Variants in ZNF577 observed in about 807,000 individuals in gnomAD.
ZNF577 encodes zinc finger protein 577.
A neutral mutation model predicts 13.9 loss-of-function variants in ZNF577; 14 were observed. The observed-to-expected ratio is 1.00, with a 90% CI of 0.66 to 1.57. The LOEUF (loss-of-function observed/expected upper bound fraction) is 1.57, where lower values mean the gene tolerates loss of function less well. Ranked by LOEUF, ZNF577 falls within the 40% of genes most tolerant of loss-of-function variation. The pLI is 0.00. For missense variants in ZNF577, 555 were observed against 579.2 expected, an observed-to-expected ratio of 0.96 and a Z score of 0.43; for synonymous variants, 203 against 202.9, an observed-to-expected ratio of 1.00 and a Z score of 0.00.
At chr19:51,834,004 C>T (rs2159654) in intron 9 of ZNF577, among the ~76,000 whole-genome samples, 64,278 of 151,842 alleles carry the variant, frequency 0.42, 13,750 homozygotes, top group South Asian at 0.58. Flanking sequence ...TATCATTTCT[C>T]TATGTGGTGA....
chr19:51,867,652 G>A lies in ZNF577; in HGVS notation c.*4880C>T, dbSNP rs2084586736. On this transcript the variant is annotated 3_prime_UTR_variant, in exon 6 of 6. Transcript: ENST00000638348. ...AAAAAAAAATTAGCCGGGTGTGGTGGCAGGCACCTGTAATCCCAGCTACTC... is the reference window on the plus strand; with the variant it reads ...AAAAAAAAATTAGCCGGGTGTGGTGACAGGCACCTGTAATCCCAGCTACTC... 6.6e-6 allele frequency among the ~76,000 whole-genome samples: 1 copy of A among 151,852 alleles called. No individual in the cohort carries two copies. The highest frequency in any genetic ancestry group is 1.5e-5 in the Non-Finnish European group (1 of 67,962).
chr19:51,850,445 A>G lies in ZNF577; in HGVS notation c.284-5514T>C, dbSNP rs543485961. 4.6e-5 allele frequency among the ~76,000 whole-genome samples: 7 copies of G among 152,320 alleles called. No individual in the cohort carries two copies. The East Asian group carries it at 1.2e-3, about 25-fold the overall frequency. On this transcript the variant is annotated intron_variant and NMD_transcript_variant, in intron 5 of 10. Transcript: ENST00000638827. Reference sequence around the variant, plus strand: ...CATATTGTCGCAAATTGTTTCTGAAAGAAATAGGTGCTGCCTGCATGATTT... The same window carrying G: ...CATATTGTCGCAAATTGTTTCTGAAGGAAATAGGTGCTGCCTGCATGATTT...
chr19:51,886,795 G>A (rs1358977870), intron 1 of ZNF577, 26 bp downstream of exon 1: 1 of 152,084 alleles, frequency 6.6e-6, no homozygotes, highest in Non-Finnish European at 1.5e-5. Context: ...CCACAAATAA[G>A]GAAACTGACT....
chr19:51,884,787 T>C (rs2084917165), intron 1 of ZNF577, among the ~76,000 whole-genome samples: 1 of 152,234 alleles, frequency 6.6e-6, no homozygotes, highest in Non-Finnish European at 1.5e-5. Context: ...GTAGAATTCT[T>C]ATTAAAATGC....
chr19:51,813,866 A>G (rs112867717), intron 9 of ZNF577, among the ~76,000 whole-genome samples: 1,952 of 152,270 alleles, frequency 0.013, 40 homozygotes, highest in African/African-American at 0.045. Flanking sequence ...TGAGACAGGC[A>G]TGTGAATGAA....
chr19:51,823,851 G>C (rs2084209377), intron 9 of ZNF577: 1 of 1,613,948 alleles, frequency 6.2e-7, no homozygotes, highest in Non-Finnish European at 8.5e-7. Context: ...AGTCCACGGA[G>C]TCACCTTTGT....
intron 1 of ZNF577, among the ~76,000 whole-genome samples, chr19:51,881,385 C>G (rs2084859456): frequency 6.6e-6 from 1 of 151,772 alleles, no homozygotes; most frequent in Admixed American, 6.5e-5. Context: ...GCCACATGCT[C>G]CTAAATTTTT....
At chr19:51,877,968 A>G (rs1167832715) in intron 4 of ZNF577, 1 of 157,806 alleles carries the variant, frequency 6.3e-6, no homozygotes, top group Non-Finnish European at 1.4e-5. Flanking sequence ...ACATGGATAA[A>G]CCTTGAGAAC....
chr19:51,880,467 C>A (rs2084844586), intron 2 of ZNF577, 66 bp from the exon 3 acceptor site: 9 of 1,406,238 alleles, frequency 6.4e-6, no homozygotes, highest in Non-Finnish European at 9.0e-6. Context: ...AGTCACTTAG[C>A]TATGTTCCGA....
At chr19:51,805,196 T>G (rs76085451) in exon 11 of ZNF577, 2 of 152,228 alleles carry the variant, frequency 1.3e-5, no homozygotes, top group African/African-American at 2.4e-5. Flanking sequence ...ATTGAAAGAA[T>G]GTAAGACCAG....
chr19:51,847,850 C>T lies in ZNF577; in HGVS notation c.284-2919G>A, dbSNP rs138132571. On this transcript the variant is annotated intron_variant and NMD_transcript_variant, in intron 5 of 10. Transcript: ENST00000638827. ...CTCCCTGGAAGGCAAAGCTTCCATA[C>T]GTCATTTCCTCTTCTGCTCACTGGG... Among the ~76,000 whole-genome samples the T allele has an allele frequency of 9.8e-3, 1,492 of 152,296 alleles. 24 individuals are homozygous for T. Among genetic ancestry groups the T allele is most frequent in the African/African-American group, 0.031 (1,297 of 41,554 alleles).
At chr19:51,826,251 T>C (rs2084231317) in intron 9 of ZNF577, 1 of 152,260 alleles carries the variant, frequency 6.6e-6, no homozygotes, top group Admixed American at 6.5e-5. Flanking sequence ...TATTTATGTT[T>C]ATGTAGAGAT....
At chr19:51,875,363 CAAAAAAAA>C (rs538987406) in intron 5 of ZNF577, among the ~76,000 whole-genome samples, 4 of 63,826 alleles carry the variant, frequency 6.3e-5, no homozygotes, top group African/African-American at 1.9e-4. Context: ...AACTCTGTCA[CAAAAAAAA>C]AAAAAAAAAA....
chr19:51,828,202 T>C (rs1057425517), intron 9 of ZNF577, among the ~76,000 whole-genome samples: 1 of 151,974 alleles, frequency 6.6e-6, no homozygotes, highest in Non-Finnish European at 1.5e-5. Flanking sequence ...ACGCTGTCTG[T>C]ACTAAAAATA....
At chr19:51,821,200 G>A (rs2084185823) in intron 9 of ZNF577, among the ~76,000 whole-genome samples, 1 of 152,164 alleles carries the variant, frequency 6.6e-6, no homozygotes, top group South Asian at 2.1e-4. Flanking sequence ...TTCTGCAGAG[G>A]AGAAAACTGA....
At chr19:51,837,062 AAAG>A (rs2084291654) in intron 9 of ZNF577, among the ~76,000 whole-genome samples, 6 of 151,310 alleles carry the variant, frequency 4.0e-5, no homozygotes, top group Admixed American at 6.6e-5. Flanking sequence ...AAAAAAAAGA[AAAG>A]AAAAGAAAAA....
chr19:51,845,460 A>G (rs924651237), intron 5 of ZNF577, among the ~76,000 whole-genome samples: 20 of 152,056 alleles, frequency 1.3e-4, no homozygotes, highest in African/African-American at 4.8e-4. Flanking sequence ...TTGCACTCCA[A>G]CCTGGGCAAC....
chr19:51,883,903 T>G (rs1212301108), intron 1 of ZNF577, among the ~76,000 whole-genome samples: 1 of 151,822 alleles, frequency 6.6e-6, no homozygotes, highest in Non-Finnish European at 1.5e-5. Flanking sequence ...AGAAACCCCA[T>G]CTCTACAAAA....
chr19:51,823,939 A>ACC (rs746923030), intron 9 of ZNF577: 10 of 1,613,922 alleles, frequency 6.2e-6, no homozygotes, highest in Non-Finnish European at 6.8e-6. Flanking sequence ...ACCATCTGTT[A>ACC]CCTGAACCTG....
Sources: gnomAD v4.1 joint callset for allele counts (sites outside exome capture counted in the v4.1 genomes callset) on GRCh38, gnomAD v4.1.1 for gene constraint, MANE v1.5 for transcripts, NCBI Gene and HGNC (gene_info 2026-07-23, HGNC 2026-07-21) for gene names.